NR3C2: variants seen among roughly 807,000 people sequenced by gnomAD.
NR3C2 encodes the protein nuclear receptor subfamily 3 group C member 2.
NR3C2 carries 15 observed loss-of-function variants against 86.4 expected under a neutral mutation model. The ratio of observed to expected loss-of-function variants is 0.17; its 90% CI spans 0.12 to 0.27. The LOEUF is 0.27. Among genes scored for constraint, NR3C2 ranks in the 10% least tolerant of loss-of-function variants. The pLI, the probability that NR3C2 is intolerant of heterozygous loss-of-function variation, is 1.00. For missense variants in NR3C2, 960 were observed against 1,195.6 expected (o/e 0.80, Z 2.91); for synonymous variants, 458 against 450.5 (o/e 1.02, Z -0.21).
chr4:148,424,804 A>C (rs1749449110), intron 2 of NR3C2, among the ~76,000 whole-genome samples: 1 of 152,152 alleles, frequency 6.6e-6, no homozygotes, highest in Non-Finnish European at 1.5e-5. Flanking sequence ...AATTTTAGTG[A>C]ATGATAGAAC....
At chr4:148,104,342 G>GTTTT (rs57175085) in intron 8 of NR3C2, among the ~76,000 whole-genome samples, 4 of 63,788 alleles carry the variant, frequency 6.3e-5, no homozygotes, top group Non-Finnish European at 1.3e-4. Context: ...TTTTGGTTTG[G>GTTTT]TTTTTTTTTT....
At position 148,436,447 on chromosome 4, in the gene NR3C2, T is replaced by C; in HGVS notation, c.414A>G (p.Glu138=). The C allele has an allele frequency of 6.2e-7, 1 of 1,614,192 alleles. No homozygotes were observed. Among genetic ancestry groups the C allele is most frequent in the Non-Finnish European group, 8.5e-7 (1 of 1,180,038 alleles). ...TTCCTTTGTAAAATTTCACCAGCTG[T>C]TCAACATTCTGATAAATCTTAGCTG... The part of the protein sequence containing the change: ...MSPAKIYQNV[E]QLVKFYKGNG... Residue 138 remains glutamate, a synonymous_variant, in exon 2 of 9, where the codon GAA becomes GAG. Transcript: ENST00000358102.
At chr4:148,096,944 C>T (rs1253335203) in intron 8 of NR3C2, among the ~76,000 whole-genome samples, 1 of 152,104 alleles carries the variant, frequency 6.6e-6, no homozygotes, top group Admixed American at 6.5e-5. Flanking sequence ...AGCTTTTGAA[C>T]GAACAGGTTT....
intron 2 of NR3C2, among the ~76,000 whole-genome samples, chr4:148,297,698 T>C (rs761934319): frequency 4.6e-5 from 7 of 152,170 alleles, no homozygotes; most frequent in Non-Finnish European, 8.8e-5. Flanking sequence ...ATATCTTAAA[T>C]ATTGGCTTCC....
intron 6 of NR3C2, among the ~76,000 whole-genome samples, chr4:148,130,839 TTTG>T (rs1733009124): frequency 8.0e-6 from 1 of 124,622 alleles, no homozygotes; most frequent in Non-Finnish European, 1.7e-5. Context: ...TTTTTTTTTT[TTTG>T]AGACAGAGTC....
intron 1 of NR3C2, among the ~76,000 whole-genome samples, chr4:148,441,273 A>T (rs550375738): frequency 1.3e-5 from 2 of 152,356 alleles, no homozygotes; most frequent in African/African-American, 4.8e-5. Context: ...CTTTTCCATG[A>T]TAGCTGCCAC....
intron 2 of NR3C2, among the ~76,000 whole-genome samples, chr4:148,401,904 C>T (rs1748187988): frequency 6.6e-6 from 1 of 152,176 alleles, no homozygotes; most frequent in Admixed American, 6.5e-5. Flanking sequence ...ATGCCAGCAA[C>T]CAGCTTTTCA....
At chr4:148,219,412 A>T (rs149734762) in intron 3 of NR3C2, among the ~76,000 whole-genome samples, 300 of 152,312 alleles carry the variant, frequency 2.0e-3, no homozygotes, top group African/African-American at 6.2e-3. Context: ...AAATTAAATG[A>T]TCTTTCATTT....
At chr4:148,404,054 A>T (rs1282401270) in intron 2 of NR3C2, among the ~76,000 whole-genome samples, 1 of 152,098 alleles carries the variant, frequency 6.6e-6, no homozygotes, top group Non-Finnish European at 1.5e-5. Context: ...TCAGACAGAG[A>T]ATCAAGTCAT....
At chr4:148,153,046 T>C (rs755119443) in intron 5 of NR3C2, among the ~76,000 whole-genome samples, 6 of 152,208 alleles carry the variant, frequency 3.9e-5, no homozygotes, top group Non-Finnish European at 8.8e-5. Flanking sequence ...CATGAGTTTG[T>C]GGTGCTTAAA....
chr4:148,300,205 A>G (rs1476135423), intron 2 of NR3C2, among the ~76,000 whole-genome samples: 1 of 152,094 alleles, frequency 6.6e-6, no homozygotes, highest in East Asian at 1.9e-4. Context: ...GGCCTCCACC[A>G]TTTTGCGATG....
At chr4:148,146,898 A>G (rs1733895038) in intron 6 of NR3C2, 1 of 152,230 alleles carries the variant, frequency 6.6e-6, no homozygotes. Context: ...GCCAAGATGT[A>G]AAAGAGAGTA....
At chr4:148,165,560 A>T (rs1734842469) in intron 4 of NR3C2, among the ~76,000 whole-genome samples, 1 of 152,130 alleles carries the variant, frequency 6.6e-6, no homozygotes, top group South Asian at 2.1e-4. Flanking sequence ...CTTAACATAT[A>T]TTATCAAAAA....
chr4:148,407,579 G>A (rs965132102), intron 2 of NR3C2, among the ~76,000 whole-genome samples: 4 of 151,946 alleles, frequency 2.6e-5, no homozygotes. Context: ...GATTTCAGTC[G>A]ACTTCCAAGT....
chr4:148,245,167 A>C (rs1015167415), intron 3 of NR3C2, among the ~76,000 whole-genome samples: 1 of 152,232 alleles, frequency 6.6e-6, no homozygotes, highest in Non-Finnish European at 1.5e-5. Flanking sequence ...GCACATGTCC[A>C]GTCTGACAAG....
At chr4:148,208,283 G>A (rs1737108032) in intron 3 of NR3C2, 1 of 152,254 alleles carries the variant, frequency 6.6e-6, no homozygotes, top group African/African-American at 2.4e-5. Flanking sequence ...CCGTAGAATG[G>A]TCACTGTAAT....
At chr4:148,396,425 C>A (rs1747864083) in intron 2 of NR3C2, among the ~76,000 whole-genome samples, 1 of 152,182 alleles carries the variant, frequency 6.6e-6, no homozygotes, top group Non-Finnish European at 1.5e-5. Flanking sequence ...GTCTAAATTA[C>A]CATCAACTTT....
chr4:148,238,119 G>A (rs968986557), intron 3 of NR3C2, among the ~76,000 whole-genome samples: 13 of 152,068 alleles, frequency 8.5e-5, no homozygotes, highest in African/African-American at 2.7e-4. Flanking sequence ...ATTTGCAAAA[G>A]TATCTATTTT....
intron 2 of NR3C2, among the ~76,000 whole-genome samples, chr4:148,271,619 A>C (rs538735857): frequency 3.3e-5 from 5 of 152,238 alleles, no homozygotes; most frequent in African/African-American, 9.6e-5. Context: ...TTTTTAAAAA[A>C]AGCAAAAACT....
Sources: allele counts gnomAD v4.1 joint callset (sites outside exome capture counted in the v4.1 genomes callset), GRCh38; gene constraint gnomAD v4.1.1; transcripts MANE v1.5; gene names NCBI Gene and HGNC (gene_info 2026-07-23, HGNC 2026-07-21).